The following NOL10 variants were observed in gnomAD, a reference collection of about 807,000 sequenced individuals.
NOL10 encodes the protein nucleolar protein 10, also known as H_NH0074G24.1.
Under a neutral mutation model 103.5 loss-of-function variants are expected in NOL10, and 58 were observed. The ratio of observed to expected loss-of-function variants is 0.56; its 90% CI spans 0.45 to 0.70. The LOEUF (loss-of-function observed/expected upper bound fraction) is 0.70, where lower values mean the gene tolerates loss of function less well. NOL10 is among the 30% of genes least tolerant of loss of function. The pLI is 0.00. For missense variants in NOL10, 763 were observed against 807.3 expected, an observed-to-expected ratio of 0.95 and a Z score of 0.67; for synonymous variants, 287 against 282.5, an observed-to-expected ratio of 1.02 and a Z score of -0.16.
chr2:10,589,450 G>T, intron 18 of NOL10, 128 bp downstream of exon 18: 1 of 1,215,286 alleles, frequency 8.2e-7, no homozygotes, highest in Non-Finnish European at 1.1e-6. Context: ...ATACTCCTAA[G>T]CCCAATGTCA....
chr2:10,631,442 A>T (rs182160828), intron 13 of NOL10, among the ~76,000 whole-genome samples: 1 of 152,386 alleles, frequency 6.6e-6, no homozygotes, highest in East Asian at 1.9e-4. Flanking sequence ...AAAAAAATTA[A>T]GACAAAAGCT....
rs903466483 is a variant in NOL10 at position 10,667,352 on chromosome 2, T to C, written c.531-74A>G. The C allele has an allele frequency of 1.0e-5, 11 of 1,096,860 alleles. No homozygotes were observed. In the Admixed American group the frequency reaches 1.6e-4, roughly 16 times the overall value. 67.9% of individuals were successfully genotyped at this position (1,096,860 alleles called of 1,614,324 possible). On this transcript the variant is annotated intron_variant, in intron 7 of 20. Coordinates refer to ENST00000381685, the MANE Select transcript of NOL10 (RefSeq NM_024894.4). ...TAGTGGGGAAGGAATATTAAATAAA[T>C]AAACAGTCAACCCAAATTCTGAGTA...
At chr2:10,627,216 A>G (rs1677527232) in intron 13 of NOL10, among the ~76,000 whole-genome samples, 1 of 152,228 alleles carries the variant, frequency 6.6e-6, no homozygotes, top group Non-Finnish European at 1.5e-5. Flanking sequence ...ATATAACTGA[A>G]AAATCACAAA....
rs1210673080 is a variant in NOL10 at position 10,607,315 on chromosome 2, T to C, written c.1027-4A>G. On this transcript the variant is annotated splice_polypyrimidine_tract_variant and splice_region_variant and intron_variant, in intron 13 of 20. Coordinates refer to ENST00000381685, the MANE Select transcript of NOL10 (RefSeq NM_024894.4). ...ACCGAGGAGCAGGACCCAAAACCTG[T>C]TGGTGTTTATGAGAAGGTCAGCAAA... The C allele has an allele frequency of 6.3e-7, 1 of 1,594,558 alleles. No homozygotes were observed. The highest frequency in any genetic ancestry group is 1.8e-5 in the Admixed American group (1 of 55,664).
chr2:10,652,360 C>A (rs1265995296), intron 12 of NOL10, among the ~76,000 whole-genome samples: 5 of 151,530 alleles, frequency 3.3e-5, no homozygotes, highest in Non-Finnish European at 5.9e-5. Flanking sequence ...GAATGAATTA[C>A]CCAATTTTTC....
At chr2:10,618,159 G>C (rs535028072) in intron 13 of NOL10, among the ~76,000 whole-genome samples, 1 of 151,850 alleles carries the variant, frequency 6.6e-6, no homozygotes, top group East Asian at 1.9e-4. Context: ...TTATGGGTGG[G>C]TACCACAGAG....
chr2:10,664,802 T>C (rs1279136529), intron 8 of NOL10, among the ~76,000 whole-genome samples: 1 of 152,182 alleles, frequency 6.6e-6, no homozygotes, highest in African/African-American at 2.4e-5. Context: ...TCCAAAGAGC[T>C]GGGATGACGG....
intron 6 of NOL10, among the ~76,000 whole-genome samples, chr2:10,669,441 GTA>G (rs760076183): frequency 5.0e-5 from 7 of 139,400 alleles, no homozygotes; most frequent in South Asian, 2.2e-4. Flanking sequence ...GTATGTATTT[GTA>G]TATATATATA....
chr2:10,585,874 A>C (rs770044632), intron 19 of NOL10, among the ~76,000 whole-genome samples: 1 of 152,242 alleles, frequency 6.6e-6, no homozygotes, highest in Non-Finnish European at 1.5e-5. Context: ...TACAGTTACA[A>C]ATTTTTTCTG....
chr2:10,636,420 C>CAAAAAAAAAAAAAA (rs70953327), intron 13 of NOL10, among the ~76,000 whole-genome samples: 5 of 54,698 alleles, frequency 9.1e-5, no homozygotes, highest in East Asian at 7.6e-4. Flanking sequence ...TACAAAAAAC[C>CAAAAAAAAAAAAAA]AAAAAAAAAA....
chr2:10,644,210 T>C, intron 13 of NOL10, 110 bp downstream of exon 13: 1 of 743,186 alleles, frequency 1.3e-6, no homozygotes, highest in Non-Finnish European at 2.1e-6. Flanking sequence ...GCTGCACCAC[T>C]GCACCCCAGC....
intron 17 of NOL10, among the ~76,000 whole-genome samples, chr2:10,593,404 TG>T (rs1675501782): frequency 6.6e-6 from 1 of 152,176 alleles, no homozygotes; most frequent in African/African-American, 2.4e-5. Flanking sequence ...TCCAAAGTGC[TG>T]GGATTACAGG....
At position 10,689,886 on chromosome 2, in the gene NOL10, C is replaced by T. The variant is rs1304731832; in HGVS notation, c.-25G>A. On this transcript the variant is annotated 5_prime_UTR_variant, in exon 1 of 21. Coordinates refer to ENST00000381685, the MANE Select transcript of NOL10 (RefSeq NM_024894.4). ...TGGCGCCGCACAACACTGTTCAAGT[C>T]CCGGGTCCTTTCCCACCAGCGTGCT... 2 of 1,593,120 alleles carry T rather than the reference C, an allele frequency of 1.3e-6. No individual in the cohort carries two copies. Among genetic ancestry groups the T allele is most frequent in the African/African-American group, 1.3e-5 (1 of 74,610 alleles).
intron 17 of NOL10, among the ~76,000 whole-genome samples, chr2:10,593,357 T>G (rs1675498058): frequency 6.6e-6 from 1 of 152,152 alleles, no homozygotes; most frequent in Non-Finnish European, 1.5e-5. Flanking sequence ...CAGGCTGGTC[T>G]CAAACTTCTG....
chr2:10,570,924 A>G lies in NOL10; in HGVS notation c.*1147T>C, dbSNP rs192459264. 5.3e-5 allele frequency: 8 copies of G among 150,930 alleles called. No homozygotes were observed. In the East Asian group the frequency reaches 1.5e-3, roughly 29 times the overall value. The allele number at this position is 150,930 out of a possible 1,614,324, so 9.3% of individuals were successfully genotyped here. On this transcript the variant is annotated 3_prime_UTR_variant, in exon 21 of 21. Coordinates refer to ENST00000381685, the MANE Select transcript of NOL10 (RefSeq NM_024894.4). The stretch of plus-strand genomic sequence containing the variant: ...TGTTTCCCATTATTACAGGTTGGGT[A>G]TCCCTTATCTGAAATGCTTGGGACC...
chr2:10,603,012 G>C, intron 15 of NOL10, 66 bp downstream of exon 15: 1 of 1,338,456 alleles, frequency 7.5e-7, no homozygotes, highest in Admixed American at 2.0e-5. Context: ...AGTGCGAGTA[G>C]TGAGGAAATG....
chr2:10,614,904 A>C (rs965568188), intron 13 of NOL10, among the ~76,000 whole-genome samples: 1 of 152,244 alleles, frequency 6.6e-6, no homozygotes. Flanking sequence ...TAAGAAAACC[A>C]ACTCTGCATA....
intron 13 of NOL10, among the ~76,000 whole-genome samples, chr2:10,617,764 T>C (rs1422368939): frequency 6.6e-6 from 1 of 152,016 alleles, no homozygotes; most frequent in East Asian, 1.9e-4. Context: ...ATCCACACAA[T>C]GGAATGTCAC....
chr2:10,628,482 A>G (rs1447984136), intron 13 of NOL10, among the ~76,000 whole-genome samples: 2 of 152,200 alleles, frequency 1.3e-5, no homozygotes, highest in African/African-American at 2.4e-5. Context: ...CGCTAACTGT[A>G]TTTTTAAAAT....
Sources: gnomAD v4.1 joint callset for allele counts (sites outside exome capture counted in the v4.1 genomes callset) on GRCh38, gnomAD v4.1.1 for gene constraint, MANE v1.5 for transcripts, NCBI Gene and HGNC (gene_info 2026-07-23, HGNC 2026-07-21) for gene names.